Variants in TRPC6 observed in about 807,000 individuals in gnomAD.
TRPC6 encodes the protein short transient receptor potential channel 6.
TRPC6 carries 55 observed loss-of-function variants against 90.7 expected under a neutral mutation model. That is an observed-to-expected ratio of 0.61 (90% CI 0.49 to 0.76). TRPC6 has a LOEUF of 0.76. TRPC6 is among the 30% of genes least tolerant of loss of function. The pLI is 0.00. For synonymous variants in TRPC6, 393 were observed against 393.0 expected (o/e 1.00, Z 0.00); for missense variants, 989 against 1,122.7 (o/e 0.88, Z 1.70).
At chr11:101,478,186 C>A (rs115999712) in intron 5 of TRPC6, among the ~76,000 whole-genome samples, 6 of 152,182 alleles carry the variant, frequency 3.9e-5, no homozygotes, top group Non-Finnish European at 4.4e-5. Flanking sequence ...TCCAAGAGCA[C>A]GTCATGTGCC....
At chr11:101,534,639 A>G (rs975526766) in intron 1 of TRPC6, among the ~76,000 whole-genome samples, 2 of 152,182 alleles carry the variant, frequency 1.3e-5, no homozygotes, top group African/African-American at 2.4e-5. Flanking sequence ...TAATAACTCC[A>G]TATATTCCTA....
At chr11:101,521,108 C>T (rs10895129) in intron 1 of TRPC6, among the ~76,000 whole-genome samples, 74,342 of 151,356 alleles carry the variant, frequency 0.49, 18,551 homozygotes, top group African/African-American at 0.55. Context: ...CAAATGTTAA[C>T]AGCCAAGACA....
At chr11:101,484,646 G>T (rs1444904252) in intron 4 of TRPC6, among the ~76,000 whole-genome samples, 1 of 134,012 alleles carries the variant, frequency 7.5e-6, no homozygotes, top group Non-Finnish European at 1.6e-5. Context: ...TATGAGTGCA[G>T]TTGTCCCTAG....
intron 4 of TRPC6, among the ~76,000 whole-genome samples, chr11:101,487,288 A>T (rs888369082): frequency 1.3e-5 from 2 of 152,132 alleles, no homozygotes; most frequent in African/African-American, 4.8e-5. Flanking sequence ...TTCAGTTAAA[A>T]TCTCAGATGA....
rs764087444 is a variant in TRPC6, at chr11:101,469,419, G to A, written c.2484+8C>T. 2 of 768,178 alleles carry A rather than the reference G, an allele frequency of 2.6e-6. No individual in the cohort carries two copies. Among genetic ancestry groups the A allele is most frequent in the Admixed American group, 1.7e-5 (1 of 58,012 alleles). The allele number at this position is 768,178 out of a possible 1,614,324, so 47.6% of individuals were successfully genotyped here. ...TGCATGACTTCATATTTTCAAATAT[G>A]AGCTTACCTGTTTTTTGTCAAGTGA... On this transcript the variant is annotated splice_region_variant and intron_variant, in intron 10 of 12. Transcript: ENST00000344327.
intron 1 of TRPC6, among the ~76,000 whole-genome samples, chr11:101,542,659 A>T (rs1861202679): frequency 6.6e-6 from 1 of 152,006 alleles, no homozygotes; most frequent in South Asian, 2.1e-4. Flanking sequence ...CTACTAAAAA[A>T]TAAGCATAAT....
intron 1 of TRPC6, among the ~76,000 whole-genome samples, chr11:101,510,471 CT>C (rs1860370994): frequency 6.6e-6 from 1 of 152,092 alleles, no homozygotes; most frequent in African/African-American, 2.4e-5. Flanking sequence ...AAATTCGGCT[CT>C]TCTATTTATG....
intron 1 of TRPC6, among the ~76,000 whole-genome samples, chr11:101,569,363 TAA>T (rs1282274124): frequency 1.3e-5 from 2 of 152,126 alleles, no homozygotes; most frequent in African/African-American, 4.8e-5. Context: ...CCCAGATTCA[TAA>T]AGCAAGTTCT....
At chr11:101,551,201 G>A (rs2136841335) in intron 1 of TRPC6, among the ~76,000 whole-genome samples, 1 of 151,860 alleles carries the variant, frequency 6.6e-6, no homozygotes, top group Non-Finnish European at 1.5e-5. Flanking sequence ...AAACTTCCTG[G>A]AAATGAGTAT....
At chr11:101,489,698 A>T (rs1418832212) in intron 3 of TRPC6, among the ~76,000 whole-genome samples, 1 of 151,932 alleles carries the variant, frequency 6.6e-6, no homozygotes, top group Non-Finnish European at 1.5e-5. Flanking sequence ...TGAACCATAC[A>T]TATGGCAGAG....
chr11:101,465,321 T>C (rs896734232), intron 10 of TRPC6, among the ~76,000 whole-genome samples: 2 of 152,196 alleles, frequency 1.3e-5, no homozygotes, highest in Admixed American at 1.3e-4. Context: ...TTCCTGAATT[T>C]GAATGTTGGC....
At chr11:101,466,037 C>T (rs1443879949) in intron 10 of TRPC6, among the ~76,000 whole-genome samples, 3 of 152,156 alleles carry the variant, frequency 2.0e-5, no homozygotes, top group Non-Finnish European at 4.4e-5. Flanking sequence ...ATCGTCAGGC[C>T]CCTCTGCTAC....
chr11:101,465,878 T>A (rs1240375412), intron 10 of TRPC6, among the ~76,000 whole-genome samples: 1 of 152,188 alleles, frequency 6.6e-6, no homozygotes, highest in Non-Finnish European at 1.5e-5. Context: ...CATTCTGGTT[T>A]TTGGAATTTT....
At chr11:101,558,822 G>A (rs889048413) in intron 1 of TRPC6, among the ~76,000 whole-genome samples, 6 of 152,128 alleles carry the variant, frequency 3.9e-5, no homozygotes, top group Non-Finnish European at 8.8e-5. Flanking sequence ...TCCACGTGCA[G>A]AAGAATGAAA....
Position 101,476,400 on chromosome 11 carries a change from A to G in TRPC6, c.1645T>C (p.Trp549Arg). 1 of 1,614,140 alleles carries G rather than the reference A, an allele frequency of 6.2e-7. No homozygotes were observed. The highest frequency in any genetic ancestry group is 8.5e-7 in the Non-Finnish European group (1 of 1,180,008). ...ASFIARFMAF[W>R]HASKAQSIID... The stretch of plus-strand genomic sequence containing the variant: ...ATGCTCTGGGCTTTGGAAGCATGCC[A>G]AAATGCCATGAATCTCGCAATGAAT... The change falls in exon 6 of 13, where the codon TGG becomes CGG. Residue 549 changes from tryptophan to arginine, a missense_variant. Transcript: ENST00000344327.
intron 1 of TRPC6, among the ~76,000 whole-genome samples, chr11:101,549,304 G>T (rs1038625182): frequency 1.3e-5 from 2 of 151,818 alleles, no homozygotes; most frequent in African/African-American, 2.4e-5. Flanking sequence ...AATAGTTATT[G>T]AAACAATGTG....
At chr11:101,569,281 A>C (rs181213399) in intron 1 of TRPC6, among the ~76,000 whole-genome samples, 34 of 152,302 alleles carry the variant, frequency 2.2e-4, no homozygotes, top group Middle Eastern at 6.8e-3. Context: ...AGGCCATTAC[A>C]TGATGATAAA....
At chr11:101,470,812 C>G (rs754560759) in intron 9 of TRPC6, among the ~76,000 whole-genome samples, 10 of 68,442 alleles carry the variant, frequency 1.5e-4, no homozygotes, top group South Asian at 1.2e-3. Flanking sequence ...GCCCCGCCCC[C>G]CCCCCCTCCC....
chr11:101,452,906 A>T lies in TRPC6; in HGVS notation c.*49T>A, dbSNP rs200164641. 1.9e-5 allele frequency: 30 copies of T among 1,606,694 alleles called. No homozygotes were observed. In the Admixed American group the frequency reaches 3.3e-4, roughly 18 times the overall value. ...TTAAGAAAATAAATCAGAAAATAAT[A>T]TGGCTTCAAGTGGACAAATAAATAT... On this transcript the variant is annotated 3_prime_UTR_variant, in exon 13 of 13. Transcript: ENST00000344327.
Sources: gnomAD v4.1 joint callset for allele counts (sites outside exome capture counted in the v4.1 genomes callset) on GRCh38, gnomAD v4.1.1 for gene constraint, MANE v1.5 for transcripts, NCBI Gene and HGNC (gene_info 2026-07-23, HGNC 2026-07-21) for gene names.